Variants in CALHM1 observed in about 807,000 individuals in gnomAD.
CALHM1 encodes calcium homeostasis modulator 1, also known as calcium homeostasis modulator protein 1.
In CALHM1, 11 loss-of-function variants were observed where a neutral mutation model predicts 14.8. The ratio of observed to expected loss-of-function variants is 0.74; its 90% confidence interval spans 0.47 to 1.23. CALHM1 has a LOEUF of 1.23. CALHM1 is among the 50% of genes most tolerant of loss of function. CALHM1 has a pLI of 0.00. For synonymous variants in CALHM1, 215 were observed against 218.9 expected (o/e 0.98, Z 0.16); for missense variants, 458 against 496.4 (o/e 0.92, Z 0.74).
rs1399738776 is a variant in CALHM1 at position 103,455,226 on chromosome 10, C to T, written c.*36G>A. On this transcript the variant is annotated 3_prime_UTR_variant, in exon 2 of 2. Transcript: ENST00000329905. ...TTGGGGGTTGGAGGGGCTGTGGGCTCAGATCCCCGTTCCTGCCTCTTCAGC... is the reference window on the plus strand; with the variant it reads ...TTGGGGGTTGGAGGGGCTGTGGGCTTAGATCCCCGTTCCTGCCTCTTCAGC... 1 of 1,532,504 alleles carries T rather than the reference C, an allele frequency of 6.5e-7. No homozygotes were observed. The highest frequency in any genetic ancestry group is 2.0e-5 in the Admixed American group (1 of 49,688). The allele number at this position is 1,532,504 out of a possible 1,614,324, so 94.9% of individuals were successfully genotyped here.
Position 103,455,331 on chromosome 10 carries a change from G to A in CALHM1, c.972C>T (p.Gly324=), listed in dbSNP as rs759408545. ...RLGQEEPPLM[G]NGWAGGGPRP... is the part of the protein sequence containing the mutation. Reference sequence around the variant, plus strand: ...GGGGCCCACCCCCAGCCCAGCCGTTGCCCATCAGCGGTGGCTCCTCCTGGC... The same window carrying A: ...GGGGCCCACCCCCAGCCCAGCCGTTACCCATCAGCGGTGGCTCCTCCTGGC... The change falls in exon 2 of 2, where the codon GGC becomes GGT. Residue 324 remains glycine, a synonymous_variant. Transcript: ENST00000329905. 6.2e-7 allele frequency: 1 copy of A among 1,613,592 alleles called. No homozygotes were observed. The highest frequency in any genetic ancestry group is 1.1e-5 in the South Asian group (1 of 91,056).
chr10:103,456,929 C>T (rs1285987393), intron 1 of CALHM1, among the ~76,000 whole-genome samples: 2 of 152,290 alleles, frequency 1.3e-5, no homozygotes, highest in East Asian at 3.9e-4. Flanking sequence ...GCTGGGACTA[C>T]AGGCATGTGC....
In CALHM1 at chr10:103,458,602, T is replaced by C. The variant is rs2986018; in HGVS notation, c.150A>G (p.Ala50=). Residue 50 remains alanine, a synonymous_variant, in exon 1 of 2, where the codon GCA becomes GCG. Transcript: ENST00000329905. This position sits in a 1 kb window ranked among gnomAD's most constrained non-coding sequence, Gnocchi z 4.9. ...FNCPCLPGYN[A]AYSAGILLAP... ...CCAGCAGGATGCCCGCGCTGTAGGC[T>C]GCATTGTAGCCCGGCAGGCAGGGGC... is the stretch of plus-strand genomic sequence containing the variant. 1,271,633 of 1,613,886 alleles carry C rather than the reference T, an allele frequency of 0.79. 503,667 individuals are homozygous for C. Among genetic ancestry groups the C allele is most frequent in the African/African-American group, 0.94 (70,751 of 75,068 alleles).
rs1404533861 is a variant in CALHM1 at position 103,454,224 on chromosome 10, C to T, written c.*1038G>A. 6.6e-6 allele frequency: 1 copy of T among 152,326 alleles called. No homozygotes were observed. The highest frequency in any genetic ancestry group is 1.5e-5 in the Non-Finnish European group (1 of 68,112). 9.4% of individuals were successfully genotyped at this position (152,326 alleles called of 1,614,324 possible). On this transcript the variant is annotated 3_prime_UTR_variant, in exon 2 of 2. Coordinates refer to ENST00000329905, the MANE Select transcript of CALHM1 (RefSeq NM_001001412.4). ...TGATGGCGGGCCGGGGGGGCCTCAT[C>T]CTCATTGTATAGATGAAGAAACGAA...
rs112846268 is a variant in CALHM1 at position 103,458,224 on chromosome 10, G to A, written c.528C>T (p.Ala176=). The A allele has an allele frequency of 3.7e-6, 6 of 1,612,852 alleles. No homozygotes were observed. Among genetic ancestry groups the A allele is most frequent in the Admixed American group, 1.7e-5 (1 of 60,024 alleles). Residue 176 remains alanine (A), a synonymous_variant, in exon 1 of 2, where the codon GCC becomes GCT. Transcript: ENST00000329905. This position sits in a 1 kb window ranked among gnomAD's most constrained non-coding sequence, Gnocchi z 4.9. ...DGDWLLAREV[A]VRYLRCISQA... is the part of the protein sequence containing the mutation. ...GGGAGATGCAGCGGAGGTAACGCAC[G>A]GCCACCTCTCGGGCCAACAGCCAGT...
At position 103,458,860 on chromosome 10, in the gene CALHM1, G is replaced by T; in HGVS notation, c.-109C>A. On this transcript the variant is annotated 5_prime_UTR_variant, in exon 1 of 2. Coordinates refer to ENST00000329905, the MANE Select transcript of CALHM1 (RefSeq NM_001001412.4). This position sits in a 1 kb window ranked among gnomAD's most constrained non-coding sequence, Gnocchi z 4.9. ...CCCACCTCATGACTCGGGCTCTCCT[G>T]GCTGGGACCAACAGAGCTCAGAGCA... is the stretch of plus-strand genomic sequence containing the variant. The T allele has an allele frequency of 8.9e-7, 1 of 1,123,044 alleles. No individual in the cohort carries two copies. The highest frequency in any genetic ancestry group is 1.2e-6 in the Non-Finnish European group (1 of 807,130). 69.6% of individuals were successfully genotyped at this position (1,123,044 alleles called of 1,614,324 possible). A position where few individuals can be genotyped will look rare whatever the true frequency, so the allele number is the denominator to read the frequency against.
Position 103,453,383 on chromosome 10 carries a change from T to A in CALHM1, c.*1879A>T, listed in dbSNP as rs533294717. 4.0e-5 allele frequency: 6 copies of A among 149,788 alleles called. No individual in the cohort carries two copies. The highest frequency in any genetic ancestry group is 3.9e-4 in the East Asian group (2 of 5,074). 9.3% of individuals were successfully genotyped at this position (149,788 alleles called of 1,614,324 possible). A position where few individuals can be genotyped will look rare whatever the true frequency, so the allele number is the denominator to read the frequency against. ...TTTTTAAAAAATAATTTTTTCATTT[T>A]AAAAAAATTATAAATCTTCTCTTTA... On this transcript the variant is annotated 3_prime_UTR_variant, in exon 2 of 2. Transcript: ENST00000329905.
At chr10:103,457,545 G>A (rs1372596677) in intron 1 of CALHM1, among the ~76,000 whole-genome samples, 1 of 152,240 alleles carries the variant, frequency 6.6e-6, no homozygotes, top group Non-Finnish European at 1.5e-5. Flanking sequence ...TGTGAGGGCA[G>A]GCTGCCTGGG....
chr10:103,455,700 C>T lies in CALHM1; in HGVS notation c.603G>A (p.Val201=), dbSNP rs764613162. ...TGAAGCAGGGCCGCACAGAGCGCAC[C>T]ACGAATGCCAGCAGAGTGGTCAGCA... ...FVLLTTLLAF[V]VRSVRPCFTQ... Residue 201 remains valine, a synonymous_variant, in exon 2 of 2, where the codon GTG becomes GTA. Coordinates refer to ENST00000329905, the MANE Select transcript of CALHM1 (RefSeq NM_001001412.4). 1.9e-6 allele frequency: 3 copies of T among 1,613,208 alleles called. No individual in the cohort carries two copies. In the South Asian group the frequency reaches 3.3e-5, roughly 18 times the overall value.
Position 103,458,301 on chromosome 10 carries a change from C to CGG in CALHM1, c.449_450dup (p.Glu151ProfsTer45). 1 of 1,611,700 alleles carries CGG rather than the reference C, an allele frequency of 6.2e-7. No homozygotes were observed. The highest frequency in any genetic ancestry group is 8.5e-7 in the Non-Finnish European group (1 of 1,179,422). ...ACCCGGGCCAGCAGGCGGGCGAGCT[C>CGG]GGGGGCAGGAAGGCCGGGTGCCAGG... On this transcript the variant is annotated frameshift_variant, in exon 1 of 2. Transcript: ENST00000329905. LOFTEE classifies it high-confidence loss of function. The surrounding 1 kb of genome is among the most constrained non-coding windows in gnomAD (Gnocchi z 4.9).
At position 103,454,491 on chromosome 10, in the gene CALHM1, G is replaced by A. The variant is rs1454865330; in HGVS notation, c.*771C>T. 6.6e-6 allele frequency: 1 copy of A among 152,252 alleles called. No homozygotes were observed. Among genetic ancestry groups the A allele is most frequent in the Non-Finnish European group, 1.5e-5 (1 of 68,046 alleles). 9.4% of individuals were successfully genotyped at this position (152,252 alleles called of 1,614,324 possible). On this transcript the variant is annotated 3_prime_UTR_variant, in exon 2 of 2. Coordinates refer to ENST00000329905, the MANE Select transcript of CALHM1 (RefSeq NM_001001412.4). Reference sequence around the variant, plus strand: ...TCAGCTTCTGTGTCTAACTTCTCAAGCCTTGGGGATGGTCTGATTTCCCCT... The same window carrying A: ...TCAGCTTCTGTGTCTAACTTCTCAAACCTTGGGGATGGTCTGATTTCCCCT...
Position 103,454,757 on chromosome 10 carries a change from C to A in CALHM1, c.*505G>T, listed in dbSNP as rs2033121645. The A allele has an allele frequency of 1.2e-5, 2 of 161,016 alleles. No homozygotes were observed. The highest frequency in any genetic ancestry group is 1.4e-5 in the Non-Finnish European group (1 of 73,810). 10.0% of individuals were successfully genotyped at this position (161,016 alleles called of 1,614,324 possible). A position where few individuals can be genotyped will look rare whatever the true frequency, so the allele number is the denominator to read the frequency against. ...AGGCTGTGTGTCATGTCCTTATGGA[C>A]CTGCCCCGGCACACCCAGTCTCACC... is the stretch of plus-strand genomic sequence containing the variant. On this transcript the variant is annotated 3_prime_UTR_variant, in exon 2 of 2. Transcript: ENST00000329905.
Position 103,455,209 on chromosome 10 carries a change from T to C in CALHM1, c.*53A>G. On this transcript the variant is annotated 3_prime_UTR_variant, in exon 2 of 2. Coordinates refer to ENST00000329905, the MANE Select transcript of CALHM1 (RefSeq NM_001001412.4). ...TCCTTTTTCCACCTGGTTTGGGGGT[T>C]GGAGGGGCTGTGGGCTCAGATCCCC... is the stretch of plus-strand genomic sequence containing the variant. 1 of 1,508,458 alleles carries C rather than the reference T, an allele frequency of 6.6e-7. No homozygotes were observed. The highest frequency in any genetic ancestry group is 8.9e-7 in the Non-Finnish European group (1 of 1,126,448). The allele number at this position is 1,508,458 out of a possible 1,614,324, so 93.4% of individuals were successfully genotyped here.
Position 103,455,424 on chromosome 10 carries a change from G to A in CALHM1, c.879C>T (p.Ile293=), listed in dbSNP as rs962246648. The A allele has an allele frequency of 2.5e-6, 4 of 1,613,928 alleles. No homozygotes were observed. The African/African-American group carries it at 5.3e-5, about 22-fold the overall frequency. ...AEEEREKLRG[I]TDQGTMNRLL... ...GCCTGTTCATGGTGCCTTGATCCGT[G>A]ATGCCACGCAGCTTCTCCCTTTCCT... Residue 293 remains isoleucine, a synonymous_variant, in exon 2 of 2, where the codon ATC becomes ATT. Coordinates refer to ENST00000329905, the MANE Select transcript of CALHM1 (RefSeq NM_001001412.4).
chr10:103,456,390 T>A (rs1394353362), intron 1 of CALHM1, among the ~76,000 whole-genome samples: 1 of 152,200 alleles, frequency 6.6e-6, no homozygotes, highest in African/African-American at 2.4e-5. Flanking sequence ...TCTGTGTCGG[T>A]TCTGAGCTGG....
In CALHM1 at chr10:103,458,236, G is replaced by A. The variant is rs1005044105; in HGVS notation, c.516C>T (p.Ala172=). The A allele has an allele frequency of 6.2e-7, 1 of 1,613,042 alleles. No individual in the cohort carries two copies. The highest frequency in any genetic ancestry group is 8.5e-7 in the Non-Finnish European group (1 of 1,179,838). Residue 172 remains alanine (A), a synonymous_variant, in exon 1 of 2, where the codon GCC becomes GCT. Coordinates refer to ENST00000329905, the MANE Select transcript of CALHM1 (RefSeq NM_001001412.4). The surrounding 1 kb of genome is among the most constrained non-coding windows in gnomAD (Gnocchi z 4.9). ...PEIYDGDWLL[A]REVAVRYLRC... is the part of the protein sequence containing the mutation. The stretch of plus-strand genomic sequence containing the variant: ...GGAGGTAACGCACGGCCACCTCTCG[G>A]GCCAACAGCCAGTCGCCATCGTAGA...
rs557069103 is a variant in CALHM1 at position 103,453,795 on chromosome 10, T to C, written c.*1467A>G. Reference sequence around the variant, plus strand: ...TTGCTCATCCTAATCCTCCCTGACTTCAGGGCCCATACCAACTCCTACCTC... The same window carrying C: ...TTGCTCATCCTAATCCTCCCTGACTCCAGGGCCCATACCAACTCCTACCTC... On this transcript the variant is annotated 3_prime_UTR_variant, in exon 2 of 2. Coordinates refer to ENST00000329905, the MANE Select transcript of CALHM1 (RefSeq NM_001001412.4). 2.4e-4 allele frequency: 36 copies of C among 152,208 alleles called. No individual in the cohort carries two copies. Among genetic ancestry groups the C allele is most frequent in the Admixed American group, 9.8e-4 (15 of 15,290 alleles). 9.4% of individuals were successfully genotyped at this position (152,208 alleles called of 1,614,324 possible).
rs912648413 is a variant in CALHM1, at chr10:103,458,302, G to A, written c.450C>T (p.Pro150=). Reference sequence around the variant, plus strand: ...CCCGGGCCAGCAGGCGGGCGAGCTCGGGGGCAGGAAGGCCGGGTGCCAGGC... The same window carrying A: ...CCCGGGCCAGCAGGCGGGCGAGCTCAGGGGCAGGAAGGCCGGGTGCCAGGC... ...NGSLAPGLPA[P]ELARLLARVP... Residue 150 remains proline, a synonymous_variant, in exon 1 of 2, where the codon CCC becomes CCT. Coordinates refer to ENST00000329905, the MANE Select transcript of CALHM1 (RefSeq NM_001001412.4). This position sits in a 1 kb window ranked among gnomAD's most constrained non-coding sequence, Gnocchi z 4.9. The A allele has an allele frequency of 1.7e-5, 27 of 1,611,574 alleles. No individual in the cohort carries two copies. Among genetic ancestry groups the A allele is most frequent in the Middle Eastern group, 1.6e-4 (1 of 6,082 alleles).
chr10:103,455,736 C>G lies in CALHM1; in HGVS notation c.567G>C (p.Trp189Cys). ...GCAGAGTGGTCAGCAGCACGAAGGA[C>G]CAGCCCAGCGCCTGTGGGAAGATGA... ...YLRCISQALG[W>C]SFVLLTTLLA... Residue 189 changes from tryptophan to cysteine, a missense_variant, in exon 2 of 2, where the codon TGG becomes TGC. Trp to Cys is a radical substitution (Grantham distance 215). Coordinates refer to ENST00000329905, the MANE Select transcript of CALHM1 (RefSeq NM_001001412.4). 1 of 1,612,306 alleles carries G rather than the reference C, an allele frequency of 6.2e-7. No homozygotes were observed. Among genetic ancestry groups the G allele is most frequent in the South Asian group, 1.1e-5 (1 of 91,062 alleles).
Sources: allele counts gnomAD v4.1 joint callset (sites outside exome capture counted in the v4.1 genomes callset), GRCh38; gene constraint gnomAD v4.1.1; non-coding constraint Gnocchi (gnomAD v3.1); transcripts MANE v1.5; gene names NCBI Gene and HGNC (gene_info 2026-07-23, HGNC 2026-07-21).